Variants in ZNF503 observed in about 807,000 individuals in gnomAD.
The protein encoded by ZNF503 is zinc finger protein 503, also known as NocA-like zinc finger 2.
ZNF503 carries 15 observed loss-of-function variants against 34.4 expected under a neutral mutation model. The ratio of observed to expected loss-of-function variants is 0.44; its 90% CI spans 0.29 to 0.67. ZNF503 has a LOEUF of 0.67. ZNF503 is among the 30% of genes least tolerant of loss of function. The probability of loss-of-function intolerance (pLI) is 0.13; values close to 1 mark genes in which losing one functional copy is unlikely to be tolerated. For synonymous variants in ZNF503, 580 were observed against 456.8 expected, an observed-to-expected ratio of 1.27 and a Z score of -3.44; for missense variants, 1,007 against 926.8, an observed-to-expected ratio of 1.09 and a Z score of -1.12.
the ZNF503 span, among the ~76,000 whole-genome samples, chr10:75,357,647 C>T: frequency 3.3e-5 from 5 of 152,114 alleles, no homozygotes; most frequent in South Asian, 2.1e-4. Context: ...GATTGAATGG[C>T]GCAAATGAGG....
the ZNF503 span, among the ~76,000 whole-genome samples, chr10:75,346,171 G>A: frequency 1.3e-5 from 2 of 152,190 alleles, no homozygotes; most frequent in Non-Finnish European, 2.9e-5. Flanking sequence ...CCAGTGGTTA[G>A]GAGAATGGGC....
At chr10:75,400,521 C>G (rs1221139611) in intron 1 of ZNF503, 147 bp from the exon 2 acceptor site, 3 of 1,411,930 alleles carry the variant, frequency 2.1e-6, no homozygotes, top group Non-Finnish European at 2.8e-6. Flanking sequence ...GGCGGCACCC[C>G]CTCTTCAACA....
chr10:75,319,220 C>T, the ZNF503 span, among the ~76,000 whole-genome samples: 1 of 152,126 alleles, frequency 6.6e-6, no homozygotes, highest in African/African-American at 2.4e-5. Context: ...TCCCAAAGTG[C>T]TGGGATTACG....
At chr10:75,381,093 A>G in the ZNF503 span, among the ~76,000 whole-genome samples, 1 of 152,264 alleles carries the variant, frequency 6.6e-6, no homozygotes. Flanking sequence ...GATTTTAACA[A>G]AATAAAGACT....
At chr10:75,350,461 C>T in the ZNF503 span, 1 of 152,176 alleles carries the variant, frequency 6.6e-6, no homozygotes, top group Non-Finnish European at 1.5e-5. Flanking sequence ...ACAACCACCC[C>T]CAATCAGAGG....
chr10:75,336,768 C>T, the ZNF503 span, among the ~76,000 whole-genome samples: 3 of 152,130 alleles, frequency 2.0e-5, no homozygotes, highest in African/African-American at 7.2e-5. Flanking sequence ...GATTCAGTTC[C>T]TGGTAACTGT....
the ZNF503 span, among the ~76,000 whole-genome samples, chr10:75,303,457 C>T: frequency 1.3e-5 from 2 of 152,202 alleles, no homozygotes; most frequent in Non-Finnish European, 2.9e-5. Flanking sequence ...GATAGCAAGG[C>T]TGTTGGATCC....
the ZNF503 span, among the ~76,000 whole-genome samples, chr10:75,357,551 C>G: frequency 5.9e-5 from 9 of 152,158 alleles, no homozygotes; most frequent in African/African-American, 2.2e-4. Flanking sequence ...ACAATAATAA[C>G]CAATATATAT....
At chr10:75,313,811 C>G in the ZNF503 span, among the ~76,000 whole-genome samples, 1 of 152,202 alleles carries the variant, frequency 6.6e-6, no homozygotes, top group Non-Finnish European at 1.5e-5. Flanking sequence ...TTTCAGGGCA[C>G]TGACCTAAGG....
the ZNF503 span, among the ~76,000 whole-genome samples, chr10:75,355,857 C>G: frequency 9.0e-3 from 1,373 of 152,266 alleles, 18 homozygotes; most frequent in African/African-American, 0.031. Flanking sequence ...CTGGAAGATT[C>G]GAAGGCTGAA....
At chr10:75,395,628 C>G (rs1341204224), downstream of ZNF503, among the ~76,000 whole-genome samples, 1 of 152,074 alleles carries the variant, frequency 6.6e-6, no homozygotes, top group East Asian at 1.9e-4. This position sits in a 1 kb window ranked among gnomAD's most constrained non-coding sequence, Gnocchi z 4.4. Flanking sequence ...CGAGGAGGCT[C>G]GCACCTCGGC....
Position 75,399,067 on chromosome 10 carries a change from G to A in ZNF503, c.1623C>T (p.Thr541=). The change falls in exon 2 of 2, where the codon ACC becomes ACT. Residue 541 remains threonine, a synonymous_variant. Coordinates refer to ENST00000372524, the MANE Select transcript of ZNF503 (RefSeq NM_032772.6). ...TSEELLSHLR[T]HTAFPGTDKL... ...TGTCTGTCCCGGGAAATGCCGTATG[G>A]GTCCGCAAGTGGCTCAGCAGCTCTT... The A allele has an allele frequency of 5.6e-6, 9 of 1,613,460 alleles. No homozygotes were observed. Among genetic ancestry groups the A allele is most frequent in the Non-Finnish European group, 7.6e-6 (9 of 1,179,848 alleles).
At chr10:75,392,855 G>C (rs1444903912), downstream of ZNF503, among the ~76,000 whole-genome samples, 1 of 152,160 alleles carries the variant, frequency 6.6e-6, no homozygotes, top group African/African-American at 2.4e-5. Context: ...CAGTAGGTTG[G>C]CCATTTTCAA....
At chr10:75,311,670 C>CAAAAAAAAAA in the ZNF503 span, among the ~76,000 whole-genome samples, 1 of 109,272 alleles carries the variant, frequency 9.2e-6, no homozygotes, top group Admixed American at 1.0e-4. Flanking sequence ...CTAAAAATAC[C>CAAAAAAAAAA]AAAAAAAAAA....
At chr10:75,333,387 G>C in the ZNF503 span, among the ~76,000 whole-genome samples, 1 of 49,096 alleles carries the variant, frequency 2.0e-5, no homozygotes, top group African/African-American at 9.6e-5. Flanking sequence ...CCTCCCGGAC[G>C]GGGCGGCTGG....
chr10:75,339,534 T>G, the ZNF503 span, among the ~76,000 whole-genome samples: 1 of 152,130 alleles, frequency 6.6e-6, no homozygotes, highest in African/African-American at 2.4e-5. Flanking sequence ...CCACCAGTGG[T>G]AGACATTCAA....
At chr10:75,393,888 A>G (rs1160040430), downstream of ZNF503, among the ~76,000 whole-genome samples, 1 of 152,138 alleles carries the variant, frequency 6.6e-6, no homozygotes, top group Non-Finnish European at 1.5e-5. Context: ...AAAAAGAAAA[A>G]AGAAAAAAGA....
chr10:75,285,902 C>T, the ZNF503 span, among the ~76,000 whole-genome samples: 24 of 152,138 alleles, frequency 1.6e-4, no homozygotes, highest in Non-Finnish European at 2.9e-4. Context: ...CCTGGCTTTG[C>T]GGCTGAGGGA....
chr10:75,291,193 A>G, the ZNF503 span, among the ~76,000 whole-genome samples: 1 of 152,210 alleles, frequency 6.6e-6, no homozygotes, highest in Non-Finnish European at 1.5e-5. Flanking sequence ...TTTTCCTCAA[A>G]GACTGAATTT....
Sources: gnomAD v4.1 joint callset for allele counts (sites outside exome capture counted in the v4.1 genomes callset) on GRCh38, gnomAD v4.1.1 for gene constraint, Gnocchi (gnomAD v3.1) non-coding constraint, MANE v1.5 for transcripts, NCBI Gene and HGNC (gene_info 2026-07-23, HGNC 2026-07-21) for gene names.